CCDC85A: variants seen among roughly 807,000 people sequenced by gnomAD.
The protein encoded by CCDC85A is coiled-coil domain containing 85A, also known as coiled-coil domain-containing protein 85A.
Under a neutral mutation model 50.2 loss-of-function variants are expected in CCDC85A, and 38 were observed. That is an observed-to-expected ratio of 0.76 (90% CI 0.58 to 0.99). The LOEUF is 0.99. CCDC85A is among the 50% of genes least tolerant of loss of function. The probability of loss-of-function intolerance (pLI) is 0.00; values close to 1 mark genes in which losing one functional copy is unlikely to be tolerated. For missense variants in CCDC85A, 820 were observed against 742.0 expected (o/e 1.11, Z -1.22); for synonymous variants, 366 against 301.4 (o/e 1.21, Z -2.22).
chr2:56,371,070 C>T (rs1337055224), intron 3 of CCDC85A, among the ~76,000 whole-genome samples: 3 of 152,110 alleles, frequency 2.0e-5, no homozygotes, highest in African/African-American at 7.2e-5. Context: ...AAATTAGACA[C>T]TACACATGGA....
chr2:56,268,752 A>G lies in CCDC85A; in HGVS notation c.1241-74127A>G, dbSNP rs550813920. 1.2e-4 allele frequency among the ~76,000 whole-genome samples: 19 copies of G among 152,166 alleles called. No individual in the cohort carries two copies. The South Asian group carries it at 2.5e-3, about 20-fold the overall frequency. ...TTGTATAATGTTTTAAATAACCTCTATTGTCCTTTATTAAAAAAACATTTT... is the reference window on the plus strand; with the variant it reads ...TTGTATAATGTTTTAAATAACCTCTGTTGTCCTTTATTAAAAAAACATTTT... On this transcript the variant is annotated intron_variant, in intron 2 of 5. Transcript: ENST00000407595.
chr2:56,364,997 A>G (rs1675719864), intron 3 of CCDC85A, among the ~76,000 whole-genome samples: 1 of 152,216 alleles, frequency 6.6e-6, no homozygotes, highest in Admixed American at 6.5e-5. Flanking sequence ...TCCACATAGA[A>G]TAAATTTCAA....
intron 2 of CCDC85A, among the ~76,000 whole-genome samples, chr2:56,294,912 G>A (rs192233622): frequency 1.4e-4 from 21 of 152,312 alleles, no homozygotes; most frequent in Admixed American, 1.2e-3. Context: ...GGATGGGTTG[G>A]TGGTATTAGT....
intron 3 of CCDC85A, among the ~76,000 whole-genome samples, chr2:56,347,593 A>G (rs1161213156): frequency 6.6e-6 from 1 of 152,180 alleles, no homozygotes; most frequent in Non-Finnish European, 1.5e-5. Flanking sequence ...TCCCTGACAC[A>G]TTTCCATAGT....
intron 2 of CCDC85A, among the ~76,000 whole-genome samples, chr2:56,314,108 G>C (rs577737185): frequency 6.7e-6 from 1 of 148,428 alleles, no homozygotes; most frequent in East Asian, 2.0e-4. Flanking sequence ...AAAAGACCAG[G>C]GACGGGAATC....
At position 56,385,904 on chromosome 2, in the gene CCDC85A, A is replaced by AGT; in HGVS notation, c.*1549_*1550insGT. On this transcript the variant is annotated 3_prime_UTR_variant, in exon 6 of 6. Coordinates refer to ENST00000407595, the MANE Select transcript of CCDC85A (RefSeq NM_001080433.2). ...TTAAAATGTTATTACTCTATAAAAG[A>AGT]AAATTGCTTGCTATATTTACACCTT... 1 of 151,986 alleles carries AGT rather than the reference A, an allele frequency of 6.6e-6. No homozygotes were observed. Among genetic ancestry groups the AGT allele is most frequent in the Non-Finnish European group, 1.5e-5 (1 of 67,802 alleles). The allele number at this position is 151,986 out of a possible 1,614,324, so 9.4% of individuals were successfully genotyped here.
At chr2:56,303,174 A>G (rs1406083112) in intron 2 of CCDC85A, among the ~76,000 whole-genome samples, 3 of 152,126 alleles carry the variant, frequency 2.0e-5, no homozygotes, top group African/African-American at 7.2e-5. Context: ...TTTTTTGTCT[A>G]TGTGCTGTAC....
At chr2:56,209,655 G>A (rs1326780082) in intron 2 of CCDC85A, among the ~76,000 whole-genome samples, 4 of 152,006 alleles carry the variant, frequency 2.6e-5, no homozygotes, top group Non-Finnish European at 5.9e-5. Context: ...ATTTCCATTA[G>A]TTTAAGACTG....
chr2:56,249,633 A>G (rs1029121777), intron 2 of CCDC85A, among the ~76,000 whole-genome samples: 2 of 152,212 alleles, frequency 1.3e-5, no homozygotes, highest in African/African-American at 4.8e-5. Context: ...ACCTTGTTAC[A>G]TATCAGTTTT....
intron 3 of CCDC85A, among the ~76,000 whole-genome samples, chr2:56,350,730 C>T (rs938267430): frequency 2.7e-5 from 4 of 149,418 alleles, no homozygotes; most frequent in African/African-American, 9.9e-5. Flanking sequence ...TGTCCTCCTC[C>T]TCTGTGGTTC....
At chr2:56,201,948 G>C (rs1676764081) in intron 2 of CCDC85A, among the ~76,000 whole-genome samples, 2 of 152,144 alleles carry the variant, frequency 1.3e-5, no homozygotes, top group African/African-American at 4.8e-5. Flanking sequence ...TCCAAGGCCA[G>C]ATGTCAGCTA....
chr2:56,288,874 G>A (rs530083967), intron 2 of CCDC85A, among the ~76,000 whole-genome samples: 5 of 152,232 alleles, frequency 3.3e-5, no homozygotes, highest in South Asian at 2.1e-4. Flanking sequence ...CTTGTGTTGC[G>A]GGGAGAAATC....
intron 2 of CCDC85A, among the ~76,000 whole-genome samples, chr2:56,302,281 A>T (rs1020869076): frequency 7.2e-5 from 11 of 152,088 alleles, no homozygotes; most frequent in Admixed American, 6.6e-4. Flanking sequence ...ATAAATAAAT[A>T]AAAAAAATAA....
intron 2 of CCDC85A, among the ~76,000 whole-genome samples, chr2:56,294,511 C>T (rs1671862293): frequency 6.6e-6 from 1 of 152,106 alleles, no homozygotes; most frequent in Admixed American, 6.6e-5. Flanking sequence ...TGGTTAAGGC[C>T]AGTGTTATGC....
intron 3 of CCDC85A, among the ~76,000 whole-genome samples, chr2:56,356,346 ACTC>A (rs1425624513): frequency 6.6e-6 from 1 of 152,068 alleles, no homozygotes; most frequent in Non-Finnish European, 1.5e-5. Flanking sequence ...TTCACTTTCT[ACTC>A]CTGTTTCTAC....
At chr2:56,286,009 C>T (rs1264051709) in intron 2 of CCDC85A, among the ~76,000 whole-genome samples, 1 of 151,854 alleles carries the variant, frequency 6.6e-6, no homozygotes, top group South Asian at 2.1e-4. Context: ...GACAGTCCCC[C>T]CCACCCCGAC....
chr2:56,191,494 C>G (rs1676294286), intron 1 of CCDC85A, among the ~76,000 whole-genome samples: 1 of 152,074 alleles, frequency 6.6e-6, no homozygotes, highest in Admixed American at 6.6e-5. Context: ...GCATTGTATC[C>G]TAAGGGCCAT....
chr2:56,271,264 C>T lies in CCDC85A; in HGVS notation c.1241-71615C>T, dbSNP rs983161310. ...TCAGAATAATTTGAGTAATGAATTG[C>T]CAGCGAACAGAGCACAGGGGCAGGG... is the stretch of plus-strand genomic sequence containing the variant. On this transcript the variant is annotated intron_variant, in intron 2 of 5. Transcript: ENST00000407595. 2.4e-4 allele frequency among the ~76,000 whole-genome samples: 36 copies of T among 152,126 alleles called. 1 individual carries two copies. Among genetic ancestry groups the T allele is most frequent in the Admixed American group, 1.7e-3 (26 of 15,268 alleles).
chr2:56,341,633 C>T (rs1674376150), intron 2 of CCDC85A, among the ~76,000 whole-genome samples: 1 of 152,164 alleles, frequency 6.6e-6, no homozygotes, highest in Non-Finnish European at 1.5e-5. Flanking sequence ...TTTTCTTCAC[C>T]TGTGACCCCT....
Sources: gnomAD v4.1 joint callset for allele counts (sites outside exome capture counted in the v4.1 genomes callset) on GRCh38, gnomAD v4.1.1 for gene constraint, MANE v1.5 for transcripts, NCBI Gene and HGNC (gene_info 2026-07-23, HGNC 2026-07-21) for gene names.